The following LARS2 variants were observed in gnomAD, a reference collection of about 807,000 sequenced individuals.
LARS2 encodes the protein leucine--tRNA ligase, mitochondrial.
In LARS2, 81 loss-of-function variants were observed where a neutral mutation model predicts 116.6. The ratio of observed to expected loss-of-function variants is 0.69; its 90% CI spans 0.58 to 0.84. The LOEUF (loss-of-function observed/expected upper bound fraction) is 0.84. LARS2 is among the 40% of genes least tolerant of loss of function. The probability of loss-of-function intolerance (pLI) is 0.00; values close to 1 mark genes in which losing one functional copy is unlikely to be tolerated. For synonymous variants in LARS2, 396 were observed against 407.2 expected, an observed-to-expected ratio of 0.97 and a Z score of 0.33; for missense variants, 968 against 1,114.5, an observed-to-expected ratio of 0.87 and a Z score of 1.87.
intron 10 of LARS2, among the ~76,000 whole-genome samples, chr3:45,484,372 T>TTTAC (rs1699757387): frequency 6.6e-6 from 1 of 150,966 alleles, no homozygotes; most frequent in Admixed American, 6.6e-5. Flanking sequence ...CCACTGGGAC[T>TTTAC]TTACTTAGGT....
chr3:45,463,673 AT>A (rs1223103190), intron 8 of LARS2, among the ~76,000 whole-genome samples: 9 of 148,712 alleles, frequency 6.1e-5, no homozygotes, highest in East Asian at 3.9e-4. Context: ...GAATTCATTC[AT>A]TTTTTTTTTC....
intron 15 of LARS2, among the ~76,000 whole-genome samples, chr3:45,509,036 G>A (rs576690803): frequency 6.6e-6 from 1 of 151,448 alleles, no homozygotes. Flanking sequence ...TTTCATCACT[G>A]TGCTTACATA....
At chr3:45,532,862 A>AT (rs1463395271) in intron 20 of LARS2, among the ~76,000 whole-genome samples, 1 of 151,974 alleles carries the variant, frequency 6.6e-6, no homozygotes, top group Non-Finnish European at 1.5e-5. Context: ...GGCTGGTCTC[A>AT]AACTCCTGAC....
intron 5 of LARS2, among the ~76,000 whole-genome samples, chr3:45,418,695 G>T (rs1335801224): frequency 1.3e-5 from 2 of 152,172 alleles, no homozygotes; most frequent in Non-Finnish European, 2.9e-5. Flanking sequence ...AGACTGATTG[G>T]CTCACAAAGC....
intron 6 of LARS2, among the ~76,000 whole-genome samples, chr3:45,426,707 G>A (rs1449009276): frequency 2.6e-5 from 4 of 152,108 alleles, no homozygotes; most frequent in Non-Finnish European, 5.9e-5. Context: ...AACATATGAG[G>A]TGTGTTTTTC....
At chr3:45,423,766 CTTTG>C (rs1464421052) in intron 6 of LARS2, among the ~76,000 whole-genome samples, 1 of 152,054 alleles carries the variant, frequency 6.6e-6, no homozygotes, top group African/African-American at 2.4e-5. Context: ...ATTTTTAAAA[CTTTG>C]TTTTAACTCT....
At chr3:45,445,307 A>G (rs1699000804) in intron 6 of LARS2, among the ~76,000 whole-genome samples, 1 of 152,236 alleles carries the variant, frequency 6.6e-6, no homozygotes, top group African/African-American at 2.4e-5. Context: ...TAACAGTGGA[A>G]GTTTTTAAAT....
chr3:45,463,517 T>C (rs956811253), intron 8 of LARS2, among the ~76,000 whole-genome samples: 1 of 152,226 alleles, frequency 6.6e-6, no homozygotes, highest in African/African-American at 2.4e-5. Context: ...ACCCTCACTT[T>C]AATCTTTTGA....
intron 4 of LARS2, among the ~76,000 whole-genome samples, chr3:45,402,513 C>T (rs1698170744): frequency 6.6e-6 from 1 of 152,180 alleles, no homozygotes; most frequent in Admixed American, 6.5e-5. Context: ...AGGGCCTATA[C>T]AAATGATATC....
chr3:45,426,548 GCTTA>G (rs752819034), intron 6 of LARS2, among the ~76,000 whole-genome samples: 25 of 152,194 alleles, frequency 1.6e-4, no homozygotes, highest in Non-Finnish European at 2.9e-4. Flanking sequence ...TGATTTGGCA[GCTTA>G]CTTATTTTTA....
At chr3:45,388,923 T>G (rs745433365) in intron 1 of LARS2, 2 of 152,148 alleles carry the variant, frequency 1.3e-5, no homozygotes, top group Non-Finnish European at 2.9e-5. Context: ...TACACGTAGT[T>G]TTGTACTCAA....
chr3:45,451,538 C>A (rs924172254), intron 7 of LARS2, among the ~76,000 whole-genome samples: 2 of 152,062 alleles, frequency 1.3e-5, no homozygotes, highest in Non-Finnish European at 2.9e-5. Context: ...TATCTGGGTT[C>A]TCTGTTTCAT....
chr3:45,397,654 G>A (rs1698070027), intron 3 of LARS2, among the ~76,000 whole-genome samples: 1 of 152,104 alleles, frequency 6.6e-6, no homozygotes, highest in Non-Finnish European at 1.5e-5. Flanking sequence ...ACTAGAAACA[G>A]CTTAGATCAA....
chr3:45,409,671 A>G (rs1011356429), intron 4 of LARS2, among the ~76,000 whole-genome samples: 1 of 152,188 alleles, frequency 6.6e-6, no homozygotes, highest in Admixed American at 6.5e-5. Context: ...ACTGGGCTCT[A>G]GGAAACCCAG....
Position 45,435,642 on chromosome 3 carries a change from C to T in LARS2, c.517-11249C>T, listed in dbSNP as rs201505178. On this transcript the variant is annotated intron_variant, in intron 6 of 21. Transcript: ENST00000645846. The stretch of plus-strand genomic sequence containing the variant: ...ACCTTTTCTGTTTTCCTTTCTTTCT[C>T]TCCTCTCTCTTCTTTCTTTTTCTTT... Among the ~76,000 whole-genome samples the T allele has an allele frequency of 2.0e-5, 3 of 150,690 alleles. No homozygotes were observed. In the East Asian group the frequency reaches 5.8e-4, roughly 29 times the overall value.
chr3:45,403,346 C>T (rs1026269963), intron 4 of LARS2, among the ~76,000 whole-genome samples: 6 of 151,632 alleles, frequency 4.0e-5, no homozygotes, highest in East Asian at 2.0e-4. Context: ...GGCGGATCTT[C>T]GCTCTTGTTG....
intron 7 of LARS2, among the ~76,000 whole-genome samples, chr3:45,449,921 T>C (rs529856973): frequency 5.3e-5 from 8 of 152,236 alleles, no homozygotes; most frequent in Non-Finnish European, 8.8e-5. Context: ...CCACCAAATG[T>C]TCAGTTCTGT....
intron 10 of LARS2, among the ~76,000 whole-genome samples, chr3:45,479,722 G>C (rs1332478383): frequency 1.3e-5 from 2 of 152,132 alleles, no homozygotes; most frequent in East Asian, 3.8e-4. Context: ...GCTCTCACTT[G>C]ATAGGAACTA....
At chr3:45,396,226 C>G (rs1243065661) in intron 3 of LARS2, among the ~76,000 whole-genome samples, 4 of 152,130 alleles carry the variant, frequency 2.6e-5, no homozygotes, top group African/African-American at 9.7e-5. Flanking sequence ...CCTGGCAGCC[C>G]CCTATCAGGG....
Sources: allele counts gnomAD v4.1 joint callset (sites outside exome capture counted in the v4.1 genomes callset), GRCh38; gene constraint gnomAD v4.1.1; transcripts MANE v1.5; gene names NCBI Gene and HGNC (gene_info 2026-07-23, HGNC 2026-07-21).